SHANK2: variants seen among roughly 807,000 people sequenced by gnomAD.
SHANK2 encodes SH3 and multiple ankyrin repeat domains protein 2.
SHANK2 carries 43 observed loss-of-function variants against 133.7 expected under a neutral mutation model. The ratio of observed to expected loss-of-function variants is 0.32; its 90% CI spans 0.25 to 0.41. The LOEUF (loss-of-function observed/expected upper bound fraction) is 0.41, where lower values mean the gene tolerates loss of function less well. Ranked by LOEUF, SHANK2 falls within the 10% of genes least tolerant of loss-of-function variation. The pLI is 1.00. For missense variants in SHANK2, 1,994 were observed against 2,235.8 expected (o/e 0.89, Z 2.18); for synonymous variants, 1,017 against 952.8 (o/e 1.07, Z -1.24).
intron 11 of SHANK2, among the ~76,000 whole-genome samples, chr11:70,862,165 C>CATCAG (rs1949269768): frequency 1.3e-5 from 2 of 152,216 alleles, no homozygotes; most frequent in African/African-American, 4.8e-5. Context: ...GATGGCACAC[C>CATCAG]TGCCCAGTGC....
At chr11:70,926,883 T>C (rs1555081716) in intron 10 of SHANK2, among the ~76,000 whole-genome samples, 1 of 152,204 alleles carries the variant, frequency 6.6e-6, no homozygotes, top group Non-Finnish European at 1.5e-5. Flanking sequence ...GAGGACGAAC[T>C]GTGCAGAAGT....
intron 10 of SHANK2, among the ~76,000 whole-genome samples, chr11:70,910,769 T>C (rs962156192): frequency 4.7e-5 from 7 of 149,496 alleles, no homozygotes; most frequent in African/African-American, 1.7e-4. Flanking sequence ...ATCGCACAAC[T>C]GCACTCCAGC....
At chr11:70,662,466 G>A (rs913319135) in intron 15 of SHANK2, among the ~76,000 whole-genome samples, 4 of 152,172 alleles carry the variant, frequency 2.6e-5, no homozygotes, top group African/African-American at 4.8e-5. Flanking sequence ...CCCCTCCAGC[G>A]TCCCCCCGGT....
At chr11:70,525,274 A>G (rs547485547) in intron 17 of SHANK2, among the ~76,000 whole-genome samples, 1 of 152,276 alleles carries the variant, frequency 6.6e-6, no homozygotes, top group South Asian at 2.1e-4. Flanking sequence ...CACGGTGTAT[A>G]CCTTGCCCAG....
chr11:70,933,376 A>G (rs1950527690), intron 10 of SHANK2: 46 of 452,878 alleles, frequency 1.0e-4, no homozygotes, highest in South Asian at 7.0e-4. Context: ...GGAGGGAACA[A>G]AGAGTTGGTG....
intron 17 of SHANK2, among the ~76,000 whole-genome samples, chr11:70,515,786 T>C (rs747802995): frequency 2.6e-5 from 4 of 152,146 alleles, no homozygotes; most frequent in Non-Finnish European, 5.9e-5. Flanking sequence ...CACTCCAGCC[T>C]GGGCAACAGA....
At position 70,535,639 on chromosome 11, in the gene SHANK2, G is replaced by A. The variant is rs1210699408; in HGVS notation, c.2062-32708C>T. ...TGTGAGGTCAAGTGTTGTGCTAGAC[G>A]CTGGGGAATGAATAACTCCTGGCCC... On this transcript the variant is annotated intron_variant, in intron 17 of 25. Coordinates refer to ENST00000601538, the MANE Select transcript of SHANK2 (RefSeq NM_012309.5). The surrounding 1 kb of genome is among the most constrained non-coding windows in gnomAD (Gnocchi z 4.3). Among the ~76,000 whole-genome samples the A allele has an allele frequency of 3.3e-5, 5 of 152,224 alleles. No individual in the cohort carries two copies. Among genetic ancestry groups the A allele is most frequent in the Non-Finnish European group, 5.9e-5 (4 of 68,046 alleles).
At chr11:70,712,575 C>A (rs1555026404) in intron 14 of SHANK2, among the ~76,000 whole-genome samples, 1 of 152,218 alleles carries the variant, frequency 6.6e-6, no homozygotes, top group Non-Finnish European at 1.5e-5. Context: ...AAATGCACTT[C>A]CCTGTTCCCA....
chr11:71,123,538 C>T (rs1952116988), intron 3 of SHANK2, among the ~76,000 whole-genome samples: 1 of 152,228 alleles, frequency 6.6e-6, no homozygotes, highest in East Asian at 1.9e-4. Context: ...GGTAGAACAG[C>T]GATGAGTCTA....
At chr11:70,589,808 CA>C (rs1249144115) in intron 17 of SHANK2, among the ~76,000 whole-genome samples, 1 of 152,042 alleles carries the variant, frequency 6.6e-6, no homozygotes, top group African/African-American at 2.4e-5. Flanking sequence ...TTGAGGGGTG[CA>C]GGGGAAGAGG....
At chr11:70,691,720 C>T (rs1356888579) in intron 15 of SHANK2, among the ~76,000 whole-genome samples, 9 of 152,174 alleles carry the variant, frequency 5.9e-5, no homozygotes, top group African/African-American at 1.7e-4. Flanking sequence ...GGTGAAACCC[C>T]GTCTCTACTA....
chr11:70,782,502 C>T (rs1245022754), intron 14 of SHANK2, among the ~76,000 whole-genome samples: 3 of 152,188 alleles, frequency 2.0e-5, no homozygotes, highest in Admixed American at 2.0e-4. Flanking sequence ...GGCACTGGGC[C>T]AGGCCCGCCT....
At chr11:70,933,043 C>G in intron 10 of SHANK2, 1 of 438,520 alleles carries the variant, frequency 2.3e-6, no homozygotes, top group Non-Finnish European at 4.6e-6. Context: ...AACCCAGAGA[C>G]TCCAACAGGT....
intron 25 of SHANK2, among the ~76,000 whole-genome samples, chr11:70,483,282 G>A (rs1223217956): frequency 1.3e-5 from 2 of 152,170 alleles, no homozygotes; most frequent in Non-Finnish European, 2.9e-5. Context: ...ACCCACCCAT[G>A]AGAAAGTGTT....
At chr11:70,757,793 T>C (rs1181755107) in intron 14 of SHANK2, among the ~76,000 whole-genome samples, 1 of 152,128 alleles carries the variant, frequency 6.6e-6, no homozygotes, top group Non-Finnish European at 1.5e-5. Context: ...GACCCCAGAA[T>C]GTGTGGGTGG....
Position 71,118,817 on chromosome 11 carries a change from G to A in SHANK2, c.411+12C>T. On this transcript the variant is annotated intron_variant, in intron 4 of 25. Coordinates refer to ENST00000601538, the MANE Select transcript of SHANK2 (RefSeq NM_012309.5). ...CACAACCACAGTCCATGCACTGTGG[G>A]CTGAAATATACCTCCAGGGAAGGAA... 1 of 1,537,356 alleles carries A rather than the reference G, an allele frequency of 6.5e-7. No individual in the cohort carries two copies. The highest frequency in any genetic ancestry group is 8.8e-7 in the Non-Finnish European group (1 of 1,139,370).
chr11:70,947,886 C>G (rs574798349), intron 10 of SHANK2, among the ~76,000 whole-genome samples: 18 of 152,286 alleles, frequency 1.2e-4, no homozygotes, highest in African/African-American at 4.1e-4. Context: ...TTCTGCACTG[C>G]TGGCACTGTA....
At chr11:71,208,340 C>T (rs1017515244) in intron 2 of SHANK2, among the ~76,000 whole-genome samples, 10 of 152,032 alleles carry the variant, frequency 6.6e-5, no homozygotes, top group Non-Finnish European at 8.8e-5. Flanking sequence ...AGAAGGGACA[C>T]GCACCAGAGC....
At chr11:70,951,917 A>G (rs1187231405) in intron 10 of SHANK2, among the ~76,000 whole-genome samples, 1 of 152,214 alleles carries the variant, frequency 6.6e-6, no homozygotes, top group Non-Finnish European at 1.5e-5. Context: ...GCTTTTCTTA[A>G]GAGGACATCT....
Sources: gnomAD v4.1 joint callset for allele counts (sites outside exome capture counted in the v4.1 genomes callset) on GRCh38, gnomAD v4.1.1 for gene constraint, Gnocchi (gnomAD v3.1) non-coding constraint, MANE v1.5 for transcripts, NCBI Gene and HGNC (gene_info 2026-07-23, HGNC 2026-07-21) for gene names.